The following ZER1 variants were observed in gnomAD, a reference collection of about 807,000 sequenced individuals.
ZER1 encodes the protein zyg-11 related cell cycle regulator.
ZER1 carries 11 observed loss-of-function variants against 78.8 expected under a neutral mutation model. The observed-to-expected ratio is 0.14, with a 90% CI of 0.09 to 0.23. The LOEUF (loss-of-function observed/expected upper bound fraction) is 0.23. Ranked by LOEUF, ZER1 falls within the 10% of genes least tolerant of loss-of-function variation. The pLI, the probability that ZER1 is intolerant of heterozygous loss-of-function variation, is 1.00. For synonymous variants in ZER1, 400 were observed against 407.0 expected, an observed-to-expected ratio of 0.98 and a Z score of 0.21; for missense variants, 588 against 996.9, an observed-to-expected ratio of 0.59 and a Z score of 5.52.
In ZER1 at chr9:128,730,643, A is replaced by G. The variant is rs984732909; in HGVS notation, c.*694T>C. On this transcript the variant is annotated 3_prime_UTR_variant, in exon 16 of 16. Transcript: ENST00000291900. Reference sequence around the variant, plus strand: ...GGTGGGAGACTAGGAGGCAGCCTCCATAGCAGCGTGGCCTCAGGCAGGCCT... The same window carrying G: ...GGTGGGAGACTAGGAGGCAGCCTCCGTAGCAGCGTGGCCTCAGGCAGGCCT... 2 of 152,834 alleles carry G rather than the reference A, an allele frequency of 1.3e-5. No homozygotes were observed. The highest frequency in any genetic ancestry group is 1.3e-4 in the Admixed American group (2 of 15,288). The allele number at this position is 152,834 out of a possible 1,614,324, so 9.5% of individuals were successfully genotyped here.
At chr9:128,768,714 G>A (rs1864291487) in intron 1 of ZER1, among the ~76,000 whole-genome samples, 1 of 152,138 alleles carries the variant, frequency 6.6e-6, no homozygotes, top group Admixed American at 6.6e-5. Context: ...TGGGGTATAA[G>A]GAGGGAGATC....
Position 128,755,467 on chromosome 9 carries a change from G to C in ZER1, c.99C>G (p.Thr33=). ...GTLGYLLDKE[T]LRLHPDIFLP... ...AGAAGATGTCCGGATGTAGCCGCAG[G>C]GTCTCCTTGTCCAGCAGGTAGCCCA... Residue 33 remains threonine, a synonymous_variant, in exon 2 of 16, where the codon ACC becomes ACG. Transcript: ENST00000291900. The surrounding 1 kb of genome is among the most constrained non-coding windows in gnomAD (Gnocchi z 5.6). The C allele has an allele frequency of 6.2e-7, 1 of 1,613,988 alleles. No individual in the cohort carries two copies. The highest frequency in any genetic ancestry group is 1.6e-4 in the Middle Eastern group (1 of 6,062).
intron 8 of ZER1, among the ~76,000 whole-genome samples, chr9:128,747,236 C>T (rs575247793): frequency 1.3e-5 from 2 of 151,550 alleles, no homozygotes; most frequent in Non-Finnish European, 2.9e-5. Context: ...CACATACTGC[C>T]CCTGAAATTC....
intron 8 of ZER1, among the ~76,000 whole-genome samples, chr9:128,747,225 A>C (rs1318025102): frequency 6.6e-6 from 1 of 151,664 alleles, no homozygotes; most frequent in Admixed American, 6.6e-5. Context: ...ATATACACAC[A>C]CACATACTGC....
chr9:128,753,171 T>C lies in ZER1; in HGVS notation c.739A>G (p.Lys247Glu), dbSNP rs1339991961. Residue 247 changes from lysine (K) to glutamate (E), a missense_variant, in exon 4 of 16, where the codon AAG becomes GAG. Physicochemically the swap from Lys to Glu is moderately conservative, Grantham distance 56. Transcript: ENST00000291900. This position sits in a 1 kb window ranked among gnomAD's most constrained non-coding sequence, Gnocchi z 7.5. ...DHIRVIVQLH[K>E]LRHLDISRDR... ...TCTGGGCCAGGAGCTCACCGCAGCT[T>C]GTGCAGCTGCACGATGACCCGGATG... 2 of 1,542,636 alleles carry C rather than the reference T, an allele frequency of 1.3e-6. No individual in the cohort carries two copies. The highest frequency in any genetic ancestry group is 1.8e-6 in the Non-Finnish European group (2 of 1,141,714).
Position 128,746,641 on chromosome 9 carries a change from T to A in ZER1, c.1360-3896A>T, listed in dbSNP as rs183095178. Among the ~76,000 whole-genome samples, 433 of 147,064 alleles carry A rather than the reference T, an allele frequency of 2.9e-3. 3 individuals are homozygous for A. The highest frequency in any genetic ancestry group is 0.01 in the Middle Eastern group (3 of 286). On this transcript the variant is annotated intron_variant, in intron 8 of 15. Coordinates refer to ENST00000291900, the MANE Select transcript of ZER1 (RefSeq NM_006336.4). ...CCACACCCAGCTAATTAAAAAAAAA[T>A]TTTTTTTTTTTGAGACAGAGTTTCA...
rs533028959 is a variant in ZER1 at position 128,768,172 on chromosome 9, TAA to T, written c.-95+3407_-95+3408del. Among the ~76,000 whole-genome samples, 80 of 152,252 alleles carry T rather than the reference TAA, an allele frequency of 5.3e-4. 1 individual carries two copies. The South Asian group carries it at 0.017, about 32-fold the overall frequency. On this transcript the variant is annotated intron_variant, in intron 1 of 15. Coordinates refer to ENST00000291900, the MANE Select transcript of ZER1 (RefSeq NM_006336.4). ...TCAGTTTCAGCGATTGCGCCAGATA[TAA>T]GACAGTGGTCCACAAATAGATAACC...
intron 8 of ZER1, among the ~76,000 whole-genome samples, chr9:128,749,388 A>T (rs1863604793): frequency 6.6e-6 from 1 of 152,204 alleles, no homozygotes; most frequent in African/African-American, 2.4e-5. Flanking sequence ...AGTGATGATT[A>T]GGTCTTCATG....
chr9:128,743,613 TCTCA>T (rs932417798), intron 8 of ZER1, among the ~76,000 whole-genome samples: 3 of 151,926 alleles, frequency 2.0e-5, no homozygotes, highest in Non-Finnish European at 2.9e-5. Flanking sequence ...AGAGATGGGG[TCTCA>T]CTATGTTGTC....
At chr9:128,734,144 A>AAATATATATAT in intron 14 of ZER1, among the ~76,000 whole-genome samples, 194 of 14,382 alleles carry the variant, frequency 0.013, 10 homozygotes, top group African/African-American at 0.034. Flanking sequence ...AAAAAAAAAA[A>AAATATATATAT]ATATATATAT....
intron 1 of ZER1, among the ~76,000 whole-genome samples, chr9:128,759,467 G>A (rs900513955): frequency 2.6e-5 from 4 of 151,382 alleles, no homozygotes; most frequent in Admixed American, 1.3e-4. Flanking sequence ...GTGAGCCACC[G>A]TGCCTGGCCC....
chr9:128,757,854 T>C (rs1863910608), intron 1 of ZER1, among the ~76,000 whole-genome samples: 1 of 152,088 alleles, frequency 6.6e-6, no homozygotes, highest in African/African-American at 2.4e-5. Context: ...CGTACATACG[T>C]TCAACACTTA....
At position 128,735,230 on chromosome 9, in the gene ZER1, C is replaced by G; in HGVS notation, c.2140+104G>C. The G allele has an allele frequency of 3.7e-6, 4 of 1,075,462 alleles. No individual in the cohort carries two copies. In the South Asian group the frequency reaches 6.5e-5, roughly 18 times the overall value. 66.6% of individuals were successfully genotyped at this position (1,075,462 alleles called of 1,614,324 possible). On this transcript the variant is annotated intron_variant, in intron 14 of 15. Coordinates refer to ENST00000291900, the MANE Select transcript of ZER1 (RefSeq NM_006336.4). ...AGGGTTCTGCTCTGAGGCACAAAAG[C>G]TGACAGCAGCAATTAATGCCCCCCT...
chr9:128,753,860 G>A lies in ZER1; in HGVS notation c.258C>T (p.His86=), dbSNP rs768734452. 2 of 1,603,394 alleles carry A rather than the reference G, an allele frequency of 1.2e-6. No homozygotes were observed. Among genetic ancestry groups the A allele is most frequent in the African/African-American group, 1.3e-5 (1 of 74,982 alleles). The change falls in exon 3 of 16, where the codon CAC becomes CAT. Residue 86 remains histidine (H), a synonymous_variant. Coordinates refer to ENST00000291900, the MANE Select transcript of ZER1 (RefSeq NM_006336.4). This position sits in a 1 kb window ranked among gnomAD's most constrained non-coding sequence, Gnocchi z 7.5. The part of the protein sequence containing the change: ...DPRSTRLTRI[H]LREDLVQDQD... ...GGTCCTGCACCAGGTCCTCACGGAGGTGGATCCGCGTGAGGCGGGTGCTGC... is the reference window on the plus strand; with the variant it reads ...GGTCCTGCACCAGGTCCTCACGGAGATGGATCCGCGTGAGGCGGGTGCTGC...
Position 128,732,747 on chromosome 9 carries a change from C to T in ZER1, c.2243+679G>A, listed in dbSNP as rs1196928429. On this transcript the variant is annotated intron_variant, in intron 15 of 15. Coordinates refer to ENST00000291900, the MANE Select transcript of ZER1 (RefSeq NM_006336.4). This position sits in a 1 kb window ranked among gnomAD's most constrained non-coding sequence, Gnocchi z 4.8. ...CCCAGGAAGTGGCTGGCTGAGGAGC[C>T]TCTGAGTTTCAGGCCCCTCCTCCAT... 1 of 152,256 alleles carries T rather than the reference C, an allele frequency of 6.6e-6. No homozygotes were observed. Among genetic ancestry groups the T allele is most frequent in the Non-Finnish European group, 1.5e-5 (1 of 68,082 alleles). 9.4% of individuals were successfully genotyped at this position (152,256 alleles called of 1,614,324 possible).
intron 8 of ZER1, 39 bp downstream of exon 8, chr9:128,750,577 G>A (rs1334261598): frequency 6.2e-7 from 1 of 1,602,444 alleles, no homozygotes; most frequent in Non-Finnish European, 8.5e-7. Context: ...AGGGGTGGCT[G>A]GGCCAGAGCA....
chr9:128,755,468 G>A lies in ZER1; in HGVS notation c.98C>T (p.Thr33Ile), dbSNP rs749923327. 6.2e-7 allele frequency: 1 copy of A among 1,613,992 alleles called. No individual in the cohort carries two copies. Among genetic ancestry groups the A allele is most frequent in the South Asian group, 1.1e-5 (1 of 91,070 alleles). Residue 33 changes from threonine to isoleucine, a missense_variant, in exon 2 of 16, where the codon ACC (threonine) becomes ATC (isoleucine). Physicochemically the swap from Thr to Ile is moderately conservative, Grantham distance 89. This residue lies in a region of ZER1 where 406 missense variants were observed against 660.1 expected (regional missense o/e 0.62). Coordinates refer to ENST00000291900, the MANE Select transcript of ZER1 (RefSeq NM_006336.4). This position sits in a 1 kb window ranked among gnomAD's most constrained non-coding sequence, Gnocchi z 5.6. ...GTLGYLLDKE[T>I]LRLHPDIFLP... ...GAAGATGTCCGGATGTAGCCGCAGGGTCTCCTTGTCCAGCAGGTAGCCCAG... is the reference window on the plus strand; with the variant it reads ...GAAGATGTCCGGATGTAGCCGCAGGATCTCCTTGTCCAGCAGGTAGCCCAG...
chr9:128,758,507 T>A (rs1283872146), intron 1 of ZER1, among the ~76,000 whole-genome samples: 14 of 151,708 alleles, frequency 9.2e-5, no homozygotes, highest in Admixed American at 8.6e-4. Context: ...CACCCTCTAT[T>A]TCCCAGGCTC....
chr9:128,742,448 C>A, intron 9 of ZER1, 82 bp downstream of exon 9: 1 of 1,532,820 alleles, frequency 6.5e-7, no homozygotes, highest in Non-Finnish European at 9.0e-7. Context: ...CCAGGCCCTG[C>A]TCTGAGACTC....
Sources: allele counts gnomAD v4.1 joint callset (sites outside exome capture counted in the v4.1 genomes callset), GRCh38; gene constraint gnomAD v4.1.1; regional missense constraint gnomAD v4.1.1; non-coding constraint Gnocchi (gnomAD v3.1); transcripts MANE v1.5; gene names NCBI Gene and HGNC (gene_info 2026-07-23, HGNC 2026-07-21).